The following STX3 variants were observed in gnomAD, a reference collection of about 807,000 sequenced individuals.
STX3 encodes the protein syntaxin 3.
In STX3, 19 loss-of-function variants were observed where a neutral mutation model predicts 40.2. The ratio of observed to expected loss-of-function variants is 0.47; its 90% CI spans 0.33 to 0.69. STX3 has a LOEUF of 0.69. STX3 is among the 30% of genes least tolerant of loss of function. The pLI is 0.02. For synonymous variants in STX3, 122 were observed against 132.2 expected (o/e 0.92, Z 0.53); for missense variants, 364 against 366.7 (o/e 0.99, Z 0.06).
At chr11:59,770,352 G>A (rs550646991) in intron 1 of STX3, among the ~76,000 whole-genome samples, 3 of 151,088 alleles carry the variant, frequency 2.0e-5, no homozygotes, top group Admixed American at 1.3e-4. Flanking sequence ...GTGGGCGGGT[G>A]TATGTGTGGA....
intron 1 of STX3, among the ~76,000 whole-genome samples, chr11:59,771,747 G>A (rs926153569): frequency 3.3e-5 from 5 of 152,082 alleles, no homozygotes; most frequent in Non-Finnish European, 1.5e-5. Context: ...AAGTATGGGT[G>A]GAGCTGGATC....
chr11:59,763,961 T>C (rs1863160998), intron 1 of STX3, among the ~76,000 whole-genome samples: 1 of 150,628 alleles, frequency 6.6e-6, no homozygotes, highest in Non-Finnish European at 1.5e-5. Flanking sequence ...GAGGTTGCAA[T>C]GAGCCAAGAT....
At chr11:59,788,989 T>G in intron 4 of STX3, 42 bp downstream of exon 4, 1 of 1,550,846 alleles carries the variant, frequency 6.4e-7, no homozygotes, top group Non-Finnish European at 8.8e-7. Context: ...CCCACCACCA[T>G]CTATCTCAGC....
intron 1 of STX3, among the ~76,000 whole-genome samples, chr11:59,767,895 G>C (rs1487366786): frequency 6.6e-6 from 1 of 152,096 alleles, no homozygotes; most frequent in Non-Finnish European, 1.5e-5. Context: ...TTCTAAGTGA[G>C]GGGATTTGAT....
chr11:59,805,430 G>C lies in STX3; in HGVS notation c.*4606G>C, dbSNP rs1866053690. The C allele has an allele frequency of 6.6e-6, 1 of 150,544 alleles. No individual in the cohort carries two copies. The highest frequency in any genetic ancestry group is 2.5e-5 in the African/African-American group (1 of 40,108). 9.3% of individuals were successfully genotyped at this position (150,544 alleles called of 1,614,324 possible). A position where few individuals can be genotyped will look rare whatever the true frequency, so the allele number is the denominator to read the frequency against. On this transcript the variant is annotated 3_prime_UTR_variant, in exon 11 of 11. Coordinates refer to ENST00000337979, the MANE Select transcript of STX3 (RefSeq NM_004177.5). ...GTTTGATACCTTATTTTTTAAGAAA[G>C]TGGGATTAAAAATATTTTGGTCAGT...
rs61903588 is a variant in STX3, at chr11:59,789,633, G to A, written c.289+686G>A. Among the ~76,000 whole-genome samples, 726 of 152,202 alleles carry A rather than the reference G, an allele frequency of 4.8e-3. 3 individuals carry two copies. The highest frequency in any genetic ancestry group is 8.4e-3 in the Non-Finnish European group (574 of 68,008). Reference sequence around the variant, plus strand: ...TTTTTGTATTTTTAGTAGAGACGAGGTTTCGCCATGTTGGCCAGGCTGGTC... The same window carrying A: ...TTTTTGTATTTTTAGTAGAGACGAGATTTCGCCATGTTGGCCAGGCTGGTC... On this transcript the variant is annotated intron_variant, in intron 4 of 10. Transcript: ENST00000337979.
chr11:59,770,489 C>T (rs1433958373), intron 1 of STX3, among the ~76,000 whole-genome samples: 1 of 151,888 alleles, frequency 6.6e-6, no homozygotes, highest in Non-Finnish European at 1.5e-5. Flanking sequence ...AAAGGATACT[C>T]CCTAAAAAGC....
intron 1 of STX3, among the ~76,000 whole-genome samples, chr11:59,765,802 T>TCAAA (rs111856818): frequency 0.046 from 7,070 of 152,150 alleles, 197 homozygotes; most frequent in African/African-American, 0.058. Context: ...AGACTCTGTC[T>TCAAA]CAAACAAACA....
At chr11:59,783,888 T>A (rs965578495) in intron 2 of STX3, among the ~76,000 whole-genome samples, 2 of 152,326 alleles carry the variant, frequency 1.3e-5, no homozygotes, top group Admixed American at 6.5e-5. Flanking sequence ...GAAATCAGAT[T>A]CCCTGAAATG....
At chr11:59,789,080 G>C in intron 4 of STX3, 133 bp downstream of exon 4, 1 of 756,266 alleles carries the variant, frequency 1.3e-6, no homozygotes. Context: ...TTGTGGTTTG[G>C]GCTCTGTCCC....
Position 59,804,411 on chromosome 11 carries a change from T to C in STX3, c.*3587T>C, listed in dbSNP as rs1468576302. The C allele has an allele frequency of 6.6e-6, 1 of 152,238 alleles. No homozygotes were observed. Among genetic ancestry groups the C allele is most frequent in the Non-Finnish European group, 1.5e-5 (1 of 68,046 alleles). The allele number at this position is 152,238 out of a possible 1,614,324, so 9.4% of individuals were successfully genotyped here. A position where few individuals can be genotyped will look rare whatever the true frequency, so the allele number is the denominator to read the frequency against. On this transcript the variant is annotated 3_prime_UTR_variant, in exon 11 of 11. Coordinates refer to ENST00000337979, the MANE Select transcript of STX3 (RefSeq NM_004177.5). ...CCTGCTGCTTACAGGTACTCAAATA[T>C]CTGCTGACTTAATTACTTATAATTA...
Position 59,755,456 on chromosome 11 carries a change from C to T in STX3, c.-150C>T. ...CCGTGGCCTCGGACGCTCCTCCTAG[C>T]TAGCGGCCGCCGCCCGCCGCCGCCT... On this transcript the variant is annotated 5_prime_UTR_variant, in exon 1 of 11. Transcript: ENST00000337979. 1 of 923,366 alleles carries T rather than the reference C, an allele frequency of 1.1e-6. No individual in the cohort carries two copies. Among genetic ancestry groups the T allele is most frequent in the South Asian group, 2.2e-5 (1 of 44,564 alleles). The allele number at this position is 923,366 out of a possible 1,614,324, so 57.2% of individuals were successfully genotyped here.
intron 2 of STX3, among the ~76,000 whole-genome samples, chr11:59,781,102 AT>A (rs529284814): frequency 0.016 from 1,179 of 74,574 alleles, 18 homozygotes; most frequent in African/African-American, 0.065. Context: ...TTTTTTTTTT[AT>A]ATTAGCACAA....
chr11:59,789,505 A>G (rs768397713), intron 4 of STX3, among the ~76,000 whole-genome samples: 7 of 151,538 alleles, frequency 4.6e-5, no homozygotes, highest in South Asian at 2.1e-4. Flanking sequence ...CAGTGGCTCA[A>G]TTTTGGCTCA....
At chr11:59,783,722 A>G (rs1864571317) in intron 2 of STX3, among the ~76,000 whole-genome samples, 1 of 152,188 alleles carries the variant, frequency 6.6e-6, no homozygotes, top group African/African-American at 2.4e-5. Context: ...TCACACCATT[A>G]AATACTCAGA....
intron 8 of STX3, among the ~76,000 whole-genome samples, chr11:59,793,839 T>C (rs1426212921): frequency 6.6e-6 from 1 of 151,596 alleles, no homozygotes; most frequent in Non-Finnish European, 1.5e-5. Context: ...GGAGTATTGC[T>C]CTGTTGCACA....
Position 59,790,545 on chromosome 11 carries a change from G to A in STX3, c.316G>A (p.Glu106Lys), listed in dbSNP as rs749765687. The change falls in exon 5 of 11, where the codon GAG becomes AAG. Residue 106 changes from glutamate to lysine, a missense_variant. Glu to Lys is a moderately conservative substitution (Grantham distance 56). Transcript: ENST00000337979. Reference sequence around the variant, plus strand: ...CATGGAGAAGCATATTGAAGAAGATGAGGTCAGGTCATCGGCAGACCTTCG... The same window carrying A: ...CATGGAGAAGCATATTGAAGAAGATAAGGTCAGGTCATCGGCAGACCTTCG... Reference protein sequence around the residue: ...KSMEKHIEEDEVRSSADLRIR... With the variant: ...KSMEKHIEEDKVRSSADLRIR... 1.2e-6 allele frequency: 2 copies of A among 1,614,130 alleles called. No homozygotes were observed. The highest frequency in any genetic ancestry group is 3.3e-5 in the Admixed American group (2 of 60,026).
intron 2 of STX3, among the ~76,000 whole-genome samples, chr11:59,784,770 G>A (rs1348693494): frequency 6.6e-6 from 1 of 152,006 alleles, no homozygotes; most frequent in Non-Finnish European, 1.5e-5. Context: ...TCTCCCACTG[G>A]GTCCCTCCCA....
Position 59,772,974 on chromosome 11 carries a change from A to AAACACACACACACACACAC in STX3, c.31-236_31-235insACACACACACACACACACA, listed in dbSNP as rs1554996770. ...TTCTCACCCCTCACCCCCTGAAAGA[A>AAACACACACACACACACAC]ACACACACACACACACACACACACA... On this transcript the variant is annotated intron_variant, in intron 1 of 10. Coordinates refer to ENST00000337979, the MANE Select transcript of STX3 (RefSeq NM_004177.5). 3.3e-3 allele frequency among the ~76,000 whole-genome samples: 470 copies of AAACACACACACACACACAC among 140,656 alleles called. 3 individuals are homozygous for AAACACACACACACACACAC. Among genetic ancestry groups the AAACACACACACACACACAC allele is most frequent in the African/African-American group, 6.9e-3 (261 of 37,898 alleles). The allele number at this position is 140,656 out of a possible 152,430, so 92.3% of individuals were successfully genotyped here. A position where few individuals can be genotyped will look rare whatever the true frequency, so the allele number is the denominator to read the frequency against.
Sources: allele counts gnomAD v4.1 joint callset (sites outside exome capture counted in the v4.1 genomes callset), GRCh38; gene constraint gnomAD v4.1.1; transcripts MANE v1.5; gene names NCBI Gene and HGNC (gene_info 2026-07-23, HGNC 2026-07-21).